The following CACNA2D3 variants were observed in gnomAD, a reference collection of about 807,000 sequenced individuals.
The protein encoded by CACNA2D3 is voltage-dependent calcium channel subunit alpha-2/delta-3.
Under a neutral mutation model 160.6 loss-of-function variants are expected in CACNA2D3, and 60 were observed. The ratio of observed to expected loss-of-function variants is 0.37; its 90% confidence interval spans 0.30 to 0.46. The LOEUF is 0.46. Ranked by LOEUF, CACNA2D3 falls within the 20% of genes least tolerant of loss-of-function variation. The pLI, the probability that CACNA2D3 is intolerant of heterozygous loss-of-function variation, is 1.00. For synonymous variants in CACNA2D3, 558 were observed against 492.9 expected, an observed-to-expected ratio of 1.13 and a Z score of -1.75; for missense variants, 1,205 against 1,365.0, an observed-to-expected ratio of 0.88 and a Z score of 1.85.
chr3:54,775,629 A>G (rs1376044078), intron 13 of CACNA2D3, among the ~76,000 whole-genome samples: 2 of 152,172 alleles, frequency 1.3e-5, no homozygotes, highest in East Asian at 1.9e-4. Context: ...AAAGATGGCT[A>G]TGGGGATTGG....
chr3:54,924,206 G>A (rs1700942407), intron 27 of CACNA2D3, among the ~76,000 whole-genome samples: 1 of 152,204 alleles, frequency 6.6e-6, no homozygotes, highest in African/African-American at 2.4e-5. Context: ...CAAATGGGTA[G>A]AAGCAGACAA....
chr3:54,807,864 A>G (rs1444034026), intron 13 of CACNA2D3, among the ~76,000 whole-genome samples: 2 of 150,440 alleles, frequency 1.3e-5, no homozygotes, highest in East Asian at 3.9e-4. Flanking sequence ...ACCATGGAAT[A>G]CTATGCAGCC....
intron 30 of CACNA2D3, 134 bp downstream of exon 30, chr3:54,984,804 T>G (rs890540524): frequency 3.1e-6 from 2 of 637,772 alleles, no homozygotes; most frequent in African/African-American, 3.8e-5. Flanking sequence ...TTATAAAACC[T>G]TATTTCCATC....
intron 2 of CACNA2D3, among the ~76,000 whole-genome samples, chr3:54,206,507 G>T (rs1179948439): frequency 6.6e-6 from 1 of 152,144 alleles, no homozygotes; most frequent in African/African-American, 2.4e-5. Context: ...TCCCTCACAC[G>T]CATTCTCCTG....
At chr3:54,184,380 C>T (rs1298469323) in intron 2 of CACNA2D3, among the ~76,000 whole-genome samples, 2 of 152,190 alleles carry the variant, frequency 1.3e-5, no homozygotes, top group African/African-American at 2.4e-5. Context: ...TTAAGCCCTC[C>T]CCCATCCTCC....
chr3:54,972,703 C>A (rs1012173191), intron 29 of CACNA2D3, among the ~76,000 whole-genome samples: 1 of 152,114 alleles, frequency 6.6e-6, no homozygotes, highest in Non-Finnish European at 1.5e-5. Context: ...GTAGGTGGAG[C>A]CAGTGTGCCA....
chr3:55,051,721 G>A (rs1224020094), intron 35 of CACNA2D3, among the ~76,000 whole-genome samples: 1 of 152,172 alleles, frequency 6.6e-6, no homozygotes, highest in Non-Finnish European at 1.5e-5. Context: ...CCGCCTTGCA[G>A]TTTGATCTCA....
At chr3:54,680,426 G>A (rs1380144356) in intron 11 of CACNA2D3, among the ~76,000 whole-genome samples, 3 of 152,202 alleles carry the variant, frequency 2.0e-5, no homozygotes, top group Non-Finnish European at 4.4e-5. Context: ...TTTTTATGTA[G>A]CTTTCAGATA....
At chr3:54,413,416 A>C in intron 4 of CACNA2D3, among the ~76,000 whole-genome samples, 2 of 138,318 alleles carry the variant, frequency 1.4e-5, no homozygotes, top group South Asian at 4.4e-4. Flanking sequence ...ATCTATATAT[A>C]TAGATATCTA....
intron 9 of CACNA2D3, among the ~76,000 whole-genome samples, chr3:54,603,005 G>C (rs1386059670): frequency 6.6e-6 from 1 of 152,120 alleles, no homozygotes; most frequent in Non-Finnish European, 1.5e-5. Flanking sequence ...AGACATTCTC[G>C]TTGTCTAAAG....
At chr3:54,530,109 G>A (rs1026958652) in intron 5 of CACNA2D3, among the ~76,000 whole-genome samples, 1 of 152,126 alleles carries the variant, frequency 6.6e-6, no homozygotes, top group Non-Finnish European at 1.5e-5. Context: ...TTAGGCAAGT[G>A]GTCCCTCCTC....
At position 54,342,507 on chromosome 3, in the gene CACNA2D3, A is replaced by G. The variant is rs184853740; in HGVS notation, c.321+21949A>G. 4.2e-3 allele frequency among the ~76,000 whole-genome samples: 639 copies of G among 152,194 alleles called. 1 individual carries two copies. Among genetic ancestry groups the G allele is most frequent in the Admixed American group, 8.2e-3 (125 of 15,280 alleles). ...TTGGGAAGGATACGGTGGGGTGGAT[A>G]GGAGTGGGGTAGATCATCCCGGGTA... On this transcript the variant is annotated intron_variant, in intron 3 of 37. Coordinates refer to ENST00000474759, the MANE Select transcript of CACNA2D3 (RefSeq NM_018398.3).
At chr3:54,747,765 CA>C (rs2107058779) in intron 11 of CACNA2D3, among the ~76,000 whole-genome samples, 1 of 152,232 alleles carries the variant, frequency 6.6e-6, no homozygotes, top group Admixed American at 6.5e-5. Flanking sequence ...TGCTCTTTCC[CA>C]TTAGCTATAT....
intron 5 of CACNA2D3, among the ~76,000 whole-genome samples, chr3:54,557,750 G>C (rs1702262464): frequency 6.6e-6 from 1 of 152,188 alleles, no homozygotes; most frequent in Non-Finnish European, 1.5e-5. Flanking sequence ...ACAGGAAAAA[G>C]AAAGAGATCC....
chr3:54,389,756 A>G (rs996978205), intron 4 of CACNA2D3, among the ~76,000 whole-genome samples: 2 of 152,236 alleles, frequency 1.3e-5, no homozygotes, highest in African/African-American at 4.8e-5. Flanking sequence ...CAAAAATGCC[A>G]AGATCAAGAA....
At chr3:54,970,625 C>G (rs1459958979) in intron 29 of CACNA2D3, among the ~76,000 whole-genome samples, 1 of 122,398 alleles carries the variant, frequency 8.2e-6, no homozygotes, top group African/African-American at 3.2e-5. Flanking sequence ...GCTCTCCTCT[C>G]CTCTCCTCTT....
intron 4 of CACNA2D3, among the ~76,000 whole-genome samples, chr3:54,490,046 G>C (rs969562558): frequency 6.6e-6 from 1 of 152,088 alleles, no homozygotes; most frequent in Non-Finnish European, 1.5e-5. Flanking sequence ...CCGGGAGCTG[G>C]GTGTTTGTTT....
At chr3:54,445,709 G>C (rs761452628) in intron 4 of CACNA2D3, among the ~76,000 whole-genome samples, 4 of 152,048 alleles carry the variant, frequency 2.6e-5, no homozygotes, top group Non-Finnish European at 5.9e-5. Flanking sequence ...TCTGTAATGT[G>C]TGAGTTTTTA....
intron 35 of CACNA2D3, among the ~76,000 whole-genome samples, chr3:55,036,531 G>A (rs1186905364): frequency 4.6e-5 from 7 of 151,632 alleles, no homozygotes; most frequent in African/African-American, 1.5e-4. Flanking sequence ...CCAGTGGCGC[G>A]ATCTTGGCTC....
Sources: gnomAD v4.1 joint callset for allele counts (sites outside exome capture counted in the v4.1 genomes callset) on GRCh38, gnomAD v4.1.1 for gene constraint, MANE v1.5 for transcripts, NCBI Gene and HGNC (gene_info 2026-07-23, HGNC 2026-07-21) for gene names.